Variants in SENP2 observed in about 807,000 individuals in gnomAD.
The protein encoded by SENP2 is sentrin-specific protease 2.
A neutral mutation model predicts 86.3 loss-of-function variants in SENP2; 16 were observed. The ratio of observed to expected loss-of-function variants is 0.19; its 90% CI spans 0.13 to 0.28. The LOEUF is 0.28. Ranked by LOEUF, SENP2 falls within the 10% of genes least tolerant of loss-of-function variation. The pLI is 1.00. For synonymous variants in SENP2, 222 were observed against 238.7 expected (o/e 0.93, Z 0.64); for missense variants, 552 against 703.0 (o/e 0.79, Z 2.43).
rs532175953 is a variant in SENP2, at chr3:185,614,658, T to C, written c.1028T>C (p.Val343Ala). Residue 343 changes from valine (V) to alanine (A), a missense_variant, in exon 11 of 17, where the codon GTG (valine) becomes GCG (alanine). By Grantham distance (64) the Val-to-Ala change is moderately conservative (BLOSUM62 0). This residue lies in a region of SENP2 where 383 missense variants were observed against 427.3 expected (regional missense o/e 0.90). Coordinates refer to ENST00000296257, the MANE Select transcript of SENP2 (RefSeq NM_021627.3). ...AGCAATGGCTTACTCAGGAGGAAAG[T>C]GTCAATAATTGAGACAAAGGAAAAG... Reference protein sequence around the residue: ...SGSNGLLRRKVSIIETKEKNC... With the variant: ...SGSNGLLRRKASIIETKEKNC... The C allele has an allele frequency of 3.1e-6, 5 of 1,614,202 alleles. No individual in the cohort carries two copies. The East Asian group carries it at 6.7e-5, about 22-fold the overall frequency.
At chr3:185,617,103 A>G (rs908493980) in intron 11 of SENP2, among the ~76,000 whole-genome samples, 1 of 152,202 alleles carries the variant, frequency 6.6e-6, no homozygotes, top group Non-Finnish European at 1.5e-5. Flanking sequence ...CCACAAGCTA[A>G]TAAGTGAACC....
At chr3:185,600,486 C>T (rs1444697580) in intron 4 of SENP2, among the ~76,000 whole-genome samples, 2 of 152,180 alleles carry the variant, frequency 1.3e-5, no homozygotes, top group Non-Finnish European at 2.9e-5. Flanking sequence ...TCTTTGAGTT[C>T]TTCATGGCCT....
chr3:185,622,736 TG>T (rs1711946212), intron 14 of SENP2, among the ~76,000 whole-genome samples: 1 of 151,950 alleles, frequency 6.6e-6, no homozygotes, highest in Admixed American at 6.6e-5. Context: ...TGTATAGAAA[TG>T]TTCTTACTGG....
chr3:185,599,165 G>A (rs1363610941), intron 4 of SENP2, 141 bp downstream of exon 4: 2 of 614,142 alleles, frequency 3.3e-6, no homozygotes, highest in Non-Finnish European at 5.7e-6. Context: ...AAAGCAAATA[G>A]CTTTTCTTCA....
chr3:185,599,248 G>A (rs561775505), intron 4 of SENP2, among the ~76,000 whole-genome samples: 1 of 151,796 alleles, frequency 6.6e-6, no homozygotes, highest in South Asian at 2.1e-4. Flanking sequence ...TTAGATCAAG[G>A]TCATATTAAA....
intron 11 of SENP2, among the ~76,000 whole-genome samples, chr3:185,616,699 C>T (rs1305247074): frequency 1.4e-5 from 2 of 147,460 alleles, no homozygotes; most frequent in Admixed American, 6.9e-5. Context: ...GGCGTGACCC[C>T]GGGAGGCGGA....
At chr3:185,617,240 GGTA>G (rs1711653629) in intron 11 of SENP2, among the ~76,000 whole-genome samples, 1 of 152,154 alleles carries the variant, frequency 6.6e-6, no homozygotes, top group South Asian at 2.1e-4. Flanking sequence ...GGCCAAGGCA[GGTA>G]TTGCTTGAGC....
At chr3:185,589,169 G>C (rs900598500) in intron 1 of SENP2, among the ~76,000 whole-genome samples, 2 of 151,808 alleles carry the variant, frequency 1.3e-5, no homozygotes, top group South Asian at 4.2e-4. Context: ...TTGACATCTG[G>C]GTCCTGAAAC....
chr3:185,596,205 C>G (rs2148982457), intron 2 of SENP2, among the ~76,000 whole-genome samples: 1 of 152,230 alleles, frequency 6.6e-6, no homozygotes, highest in African/African-American at 2.4e-5. Context: ...ATCAAGTGAT[C>G]TGCCCGCCTT....
rs142188043 is a variant in SENP2, at chr3:185,598,423, C to T, written c.169C>T (p.His57Tyr). 2.4e-5 allele frequency: 39 copies of T among 1,613,790 alleles called. No individual in the cohort carries two copies. The highest frequency in any genetic ancestry group is 3.2e-5 in the Non-Finnish European group (38 of 1,179,862). ...AKRPRLDCFIHQVKNSLYNAA... is the reference protein window; with the variant it reads ...AKRPRLDCFIYQVKNSLYNAA... ...TTGACACTTTCTAGATTGCTTTATT[C>T]ACCAAGTGAAAAACAGTCTCTACAA... Residue 57 changes from histidine (H) to tyrosine (Y), a missense_variant, in exon 3 of 17, where the codon CAC becomes TAC. By Grantham distance (83) the His-to-Tyr change is moderately conservative. This residue lies in a region of SENP2 where 383 missense variants were observed against 427.3 expected (regional missense o/e 0.90). Coordinates refer to ENST00000296257, the MANE Select transcript of SENP2 (RefSeq NM_021627.3).
intron 5 of SENP2, among the ~76,000 whole-genome samples, chr3:185,601,514 A>G (rs1467198222): frequency 6.6e-6 from 1 of 152,182 alleles, no homozygotes; most frequent in Non-Finnish European, 1.5e-5. Flanking sequence ...GGTCATATCC[A>G]TCAGTTGTAA....
intron 14 of SENP2, among the ~76,000 whole-genome samples, chr3:185,623,169 T>G (rs745996610): frequency 5.3e-5 from 8 of 151,612 alleles, no homozygotes; most frequent in Non-Finnish European, 7.4e-5. Context: ...GAGATGGAGT[T>G]TCACTCTTGC....
intron 2 of SENP2, among the ~76,000 whole-genome samples, chr3:185,598,124 C>T (rs1722234630): frequency 6.6e-6 from 1 of 152,100 alleles, no homozygotes; most frequent in South Asian, 2.1e-4. Context: ...GTGATCCTCC[C>T]ACCTCAGCCT....
chr3:185,594,557 GAA>G (rs199540279), intron 2 of SENP2, among the ~76,000 whole-genome samples: 1 of 147,896 alleles, frequency 6.8e-6, no homozygotes, highest in Non-Finnish European at 1.5e-5. Flanking sequence ...GCTTTTGAGA[GAA>G]AAAAAAGCAA....
chr3:185,588,348 GC>G, intron 1 of SENP2, among the ~76,000 whole-genome samples: 1 of 150,144 alleles, frequency 6.7e-6, no homozygotes, highest in South Asian at 2.1e-4. Flanking sequence ...CCCGGCCCTC[GC>G]CCGACTAATT....
chr3:185,609,222 A>C (rs1560195499), intron 6 of SENP2, 25 bp from the exon 7 acceptor site: 4 of 1,528,332 alleles, frequency 2.6e-6, no homozygotes, highest in Non-Finnish European at 2.7e-6. Context: ...GCTGGTACTT[A>C]TCTAACATGC....
intron 4 of SENP2, among the ~76,000 whole-genome samples, chr3:185,599,878 C>T (rs922651480): frequency 2.0e-5 from 3 of 149,076 alleles, no homozygotes; most frequent in African/African-American, 7.4e-5. Context: ...AGGGCGATCT[C>T]GGCTCCAGCT....
At chr3:185,595,454 C>A (rs1414038340) in intron 2 of SENP2, among the ~76,000 whole-genome samples, 1 of 152,198 alleles carries the variant, frequency 6.6e-6, no homozygotes, top group Non-Finnish European at 1.5e-5. Context: ...TAACTATTAG[C>A]AAATTTCTCA....
At chr3:185,621,981 G>A in intron 14 of SENP2, 76 bp downstream of exon 14, 1 of 915,090 alleles carries the variant, frequency 1.1e-6, no homozygotes, top group Non-Finnish European at 1.8e-6. Flanking sequence ...AAGCTGTGTG[G>A]ATGGTAGTCT....
Sources: allele counts gnomAD v4.1 joint callset (sites outside exome capture counted in the v4.1 genomes callset), GRCh38; gene constraint gnomAD v4.1.1; regional missense constraint gnomAD v4.1.1; transcripts MANE v1.5; gene names NCBI Gene and HGNC (gene_info 2026-07-23, HGNC 2026-07-21).